SHOC1: variants seen among roughly 807,000 people sequenced by gnomAD.
SHOC1 encodes the protein shortage in chiasmata 1, also known as protein shortage in chiasmata 1 ortholog.
In SHOC1, 136 loss-of-function variants were observed where a neutral mutation model predicts 179.2. That is an observed-to-expected ratio of 0.76 (90% CI 0.66 to 0.87). The LOEUF (loss-of-function observed/expected upper bound fraction) is 0.87. SHOC1 is among the 40% of genes least tolerant of loss of function. The probability of loss-of-function intolerance (pLI) is 0.00; values close to 1 mark genes in which losing one functional copy is unlikely to be tolerated. For missense variants in SHOC1, 1,538 were observed against 1,700.8 expected (o/e 0.90, Z 1.68); for synonymous variants, 489 against 586.6 (o/e 0.83, Z 2.41).
At chr9:111,759,782 A>C (rs1835057546) in intron 5 of SHOC1, among the ~76,000 whole-genome samples, 1 of 152,234 alleles carries the variant, frequency 6.6e-6, no homozygotes. Flanking sequence ...TTCAGGTAGT[A>C]ATGTCTCCCA....
At chr9:111,704,905 C>G (rs12352113) in intron 21 of SHOC1, among the ~76,000 whole-genome samples, 1 of 151,788 alleles carries the variant, frequency 6.6e-6, no homozygotes, top group African/African-American at 2.4e-5. Context: ...GAAAAAAGCA[C>G]ACAAAATGTT....
At chr9:111,761,880 G>A (rs1009044368) in intron 5 of SHOC1, among the ~76,000 whole-genome samples, 35 of 152,112 alleles carry the variant, frequency 2.3e-4, no homozygotes, top group African/African-American at 8.0e-4. Context: ...TGGTTTAAAT[G>A]TATTACCACA....
Position 111,758,072 on chromosome 9 carries a change from C to T in SHOC1, c.708+12G>A, listed in dbSNP as rs1348979807. The T allele has an allele frequency of 7.6e-7, 1 of 1,307,550 alleles. No individual in the cohort carries two copies. Among genetic ancestry groups the T allele is most frequent in the Non-Finnish European group, 1.1e-6 (1 of 938,958 alleles). The allele number at this position is 1,307,550 out of a possible 1,614,324, so 81.0% of individuals were successfully genotyped here. A position where few individuals can be genotyped will look rare whatever the true frequency, so the allele number is the denominator to read the frequency against. On this transcript the variant is annotated intron_variant, in intron 7 of 27. Transcript: ENST00000682961. The stretch of plus-strand genomic sequence containing the variant: ...CTTTTACTAAAATATTATTGAAAGC[C>T]AGTATTACAACCTCATTTAAACATA...
rs770512186 is a variant in SHOC1 at position 111,706,538 on chromosome 9, C to CA, written c.2737+29dup. 3.6e-5 allele frequency: 52 copies of CA among 1,440,806 alleles called. 2 individuals carry two copies. In the African/African-American group the frequency reaches 4.5e-4, roughly 13 times the overall value. 89.3% of individuals were successfully genotyped at this position (1,440,806 alleles called of 1,614,324 possible). On this transcript the variant is annotated intron_variant, in intron 20 of 27. Transcript: ENST00000682961. The stretch of plus-strand genomic sequence containing the variant: ...ATAGAAAATTTTCATTCTAATAAAG[C>CA]AAAAAAAGGATTTTGGCTTATATTC...
At chr9:111,778,214 C>CACTG (rs200744844) in intron 4 of SHOC1, among the ~76,000 whole-genome samples, 2,012 of 152,280 alleles carry the variant, frequency 0.013, 55 homozygotes, top group African/African-American at 0.046. Context: ...AACCTGTGGA[C>CACTG]ACTGGTCTTT....
intron 9 of SHOC1, 62 bp from the exon 10 acceptor site, chr9:111,746,404 G>T: frequency 9.5e-7 from 1 of 1,054,564 alleles, no homozygotes; most frequent in Non-Finnish European, 1.4e-6. Flanking sequence ...GCTAGGCGTG[G>T]TGGCTCACAC....
chr9:111,689,067 G>T (rs1831305735), intron 27 of SHOC1, among the ~76,000 whole-genome samples: 1 of 151,990 alleles, frequency 6.6e-6, no homozygotes, highest in South Asian at 2.1e-4. Context: ...TAATTGCCAA[G>T]AGTTAGGGTA....
At chr9:111,711,874 T>G (rs1832569335) in intron 18 of SHOC1, among the ~76,000 whole-genome samples, 2 of 152,124 alleles carry the variant, frequency 1.3e-5, no homozygotes, top group African/African-American at 4.8e-5. Context: ...GCATCTCAGG[T>G]GTAGGAATAG....
At chr9:111,745,862 CA>C (rs1834252866) in intron 10 of SHOC1, among the ~76,000 whole-genome samples, 1 of 152,176 alleles carries the variant, frequency 6.6e-6, no homozygotes, top group African/African-American at 2.4e-5. Flanking sequence ...CATACTATTC[CA>C]ATGCCAGGAT....
rs1047372229 is a variant in SHOC1, at chr9:111,704,056, G to A, written c.2856-64C>T. 6 of 808,744 alleles carry A rather than the reference G, an allele frequency of 7.4e-6. No individual in the cohort carries two copies. The African/African-American group carries it at 8.6e-5, about 12-fold the overall frequency. 50.1% of individuals were successfully genotyped at this position (808,744 alleles called of 1,614,324 possible). On this transcript the variant is annotated intron_variant, in intron 21 of 27. Coordinates refer to ENST00000682961, the MANE Select transcript of SHOC1 (RefSeq NM_001378211.1). The stretch of plus-strand genomic sequence containing the variant: ...CTAATAAAATTATTTAAGAAAAGTT[G>A]TAGTTCCCTCCTGCATGTTAAGTTA...
intron 18 of SHOC1, among the ~76,000 whole-genome samples, chr9:111,711,813 T>G (rs55851956): frequency 0.012 from 1,837 of 152,240 alleles, 34 homozygotes; most frequent in African/African-American, 0.042. Flanking sequence ...GTTTGTGAGT[T>G]TGTAGTAGTA....
intron 2 of SHOC1, among the ~76,000 whole-genome samples, chr9:111,788,215 C>T (rs984428832): frequency 7.4e-6 from 1 of 134,544 alleles, no homozygotes; most frequent in African/African-American, 2.8e-5. Context: ...CTCAAAAACA[C>T]AAAAACAAAA....
chr9:111,770,210 G>T (rs1442445774), intron 5 of SHOC1, among the ~76,000 whole-genome samples: 2 of 150,998 alleles, frequency 1.3e-5, no homozygotes, highest in African/African-American at 4.9e-5. Flanking sequence ...CATAGATTTT[G>T]GTATGTTTTA....
Position 111,702,245 on chromosome 9 carries a change from A to G in SHOC1, c.2968-19T>C. The G allele has an allele frequency of 1.5e-6, 2 of 1,346,864 alleles. No individual in the cohort carries two copies. Among genetic ancestry groups the G allele is most frequent in the East Asian group, 4.7e-5 (2 of 42,918 alleles). The allele number at this position is 1,346,864 out of a possible 1,614,324, so 83.4% of individuals were successfully genotyped here. A position where few individuals can be genotyped will look rare whatever the true frequency, so the allele number is the denominator to read the frequency against. ...CTAGATCCTATCAGAAAATAAAGAA[A>G]ATGTAAAAATTCATTAGGTTGAACA... On this transcript the variant is annotated intron_variant, in intron 22 of 27. Coordinates refer to ENST00000682961, the MANE Select transcript of SHOC1 (RefSeq NM_001378211.1).
intron 23 of SHOC1, among the ~76,000 whole-genome samples, chr9:111,701,179 A>T (rs1467430735): frequency 6.6e-6 from 1 of 152,206 alleles, no homozygotes; most frequent in Non-Finnish European, 1.5e-5. Context: ...TTACTCAAAC[A>T]AGAATTAATG....
At chr9:111,703,758 C>T in intron 22 of SHOC1, 123 bp downstream of exon 22, 1 of 509,068 alleles carries the variant, frequency 2.0e-6, no homozygotes, top group Non-Finnish European at 3.4e-6. Context: ...CACTTGTGGC[C>T]CATTTGCAAA....
chr9:111,710,455 T>C (rs888383636), intron 18 of SHOC1, among the ~76,000 whole-genome samples: 4 of 152,202 alleles, frequency 2.6e-5, no homozygotes, highest in African/African-American at 9.6e-5. Context: ...TCACTAGTTC[T>C]AGTGTGTACT....
At chr9:111,784,451 T>C (rs1315700420) in intron 3 of SHOC1, among the ~76,000 whole-genome samples, 1 of 152,220 alleles carries the variant, frequency 6.6e-6, no homozygotes, top group Non-Finnish European at 1.5e-5. Context: ...CACTGTAATA[T>C]TTTATCCAGA....
chr9:111,731,999 T>A lies in SHOC1; in HGVS notation c.1418-3950A>T, dbSNP rs181589799. 1.6e-3 allele frequency among the ~76,000 whole-genome samples: 238 copies of A among 151,050 alleles called. 1 individual carries two copies. Among genetic ancestry groups the A allele is most frequent in the East Asian group, 0.016 (80 of 5,158 alleles). On this transcript the variant is annotated intron_variant, in intron 12 of 27. Transcript: ENST00000682961. ...ATAAAATGAGATGAGCCTGTATTTT[T>A]AAAAAAAAAATTATATACAAATGGC...
Sources: gnomAD v4.1 joint callset for allele counts (sites outside exome capture counted in the v4.1 genomes callset) on GRCh38, gnomAD v4.1.1 for gene constraint, MANE v1.5 for transcripts, NCBI Gene and HGNC (gene_info 2026-07-23, HGNC 2026-07-21) for gene names.